The following SNX29 variants were observed in gnomAD, a reference collection of about 807,000 sequenced individuals.
SNX29 encodes sorting nexin 29, also known as sorting nexin-29.
Under a neutral mutation model 102.1 loss-of-function variants are expected in SNX29, and 78 were observed. The observed-to-expected ratio is 0.76, with a 90% CI of 0.64 to 0.92. The LOEUF (loss-of-function observed/expected upper bound fraction) is 0.92, where lower values mean the gene tolerates loss of function less well. Among genes scored for constraint, SNX29 ranks in the 40% least tolerant of loss-of-function variants. The pLI, the probability that SNX29 is intolerant of heterozygous loss-of-function variation, is 0.00. For synonymous variants in SNX29, 580 were observed against 414.5 expected, an observed-to-expected ratio of 1.40 and a Z score of -4.85; for missense variants, 1,280 against 1,061.7, an observed-to-expected ratio of 1.21 and a Z score of -2.86.
intron 20 of SNX29, among the ~76,000 whole-genome samples, chr16:12,554,680 A>T (rs2078212468): frequency 6.6e-6 from 1 of 152,152 alleles, no homozygotes. Flanking sequence ...AGGGATGCCA[A>T]TTCTCAGCAT....
At chr16:12,053,650 G>A (rs1475806165) in intron 8 of SNX29, among the ~76,000 whole-genome samples, 2 of 147,352 alleles carry the variant, frequency 1.4e-5, no homozygotes, top group African/African-American at 5.0e-5. Flanking sequence ...TTTTCATGTT[G>A]TTACAATATT....
At chr16:12,071,017 G>GAC in intron 10 of SNX29, among the ~76,000 whole-genome samples, 1 of 151,678 alleles carries the variant, frequency 6.6e-6, no homozygotes, top group Admixed American at 6.6e-5. Context: ...TTTTGATGGG[G>GAC]TTGTTTTTTT....
intron 3 of SNX29, among the ~76,000 whole-genome samples, chr16:12,012,757 G>T (rs1438667569): frequency 6.6e-6 from 1 of 151,948 alleles, no homozygotes; most frequent in Non-Finnish European, 1.5e-5. Context: ...CACCATTTTT[G>T]CCATTTCTAT....
intron 19 of SNX29, among the ~76,000 whole-genome samples, chr16:12,511,717 C>G (rs554438063): frequency 3.3e-5 from 5 of 152,224 alleles, no homozygotes; most frequent in African/African-American, 1.2e-4. Flanking sequence ...CGAGCTCTTT[C>G]ATGGGTATTC....
intron 19 of SNX29, among the ~76,000 whole-genome samples, chr16:12,482,409 C>G (rs1017189483): frequency 1.3e-5 from 2 of 152,092 alleles, no homozygotes; most frequent in East Asian, 3.8e-4. Flanking sequence ...TCAAGTGACC[C>G]TCTTGCTTCA....
intron 20 of SNX29, among the ~76,000 whole-genome samples, chr16:12,527,833 T>TC (rs1400082954): frequency 6.6e-6 from 1 of 150,910 alleles, no homozygotes; most frequent in East Asian, 1.9e-4. Flanking sequence ...CTTCTTTTTT[T>TC]TTTTTTTTTG....
intron 3 of SNX29, among the ~76,000 whole-genome samples, chr16:12,011,541 C>G (rs2056655639): frequency 6.6e-6 from 1 of 152,096 alleles, no homozygotes; most frequent in Non-Finnish European, 1.5e-5. Flanking sequence ...TCCCAAAGTG[C>G]TGGGATTATA....
chr16:12,092,021 C>G (rs1158797459), intron 11 of SNX29, among the ~76,000 whole-genome samples: 2 of 152,126 alleles, frequency 1.3e-5, no homozygotes, highest in Non-Finnish European at 2.9e-5. Flanking sequence ...GGTGCTCCTG[C>G]AAGAGGCCCT....
chr16:12,128,740 C>G (rs1400702500), intron 12 of SNX29, among the ~76,000 whole-genome samples: 1 of 152,166 alleles, frequency 6.6e-6, no homozygotes, highest in Non-Finnish European at 1.5e-5. Context: ...GCGTGAGCCA[C>G]CCTGCCCGGC....
chr16:12,557,995 G>T (rs897503890), intron 20 of SNX29, among the ~76,000 whole-genome samples: 1 of 152,144 alleles, frequency 6.6e-6, no homozygotes, highest in African/African-American at 2.4e-5. Flanking sequence ...AGCCACGGTT[G>T]GTTGGGCTGG....
rs1374741608 is a variant in SNX29, at chr16:12,570,780, C to T, written c.*2151C>T. 1.7e-5 allele frequency: 2 copies of T among 116,304 alleles called. No individual in the cohort carries two copies. Among genetic ancestry groups the T allele is most frequent in the African/African-American group, 2.0e-4 (2 of 9,922 alleles). The allele number at this position is 116,304 out of a possible 1,614,324, so 7.2% of individuals were successfully genotyped here. On this transcript the variant is annotated 3_prime_UTR_variant, in exon 21 of 21. Coordinates refer to ENST00000566228, the MANE Select transcript of SNX29 (RefSeq NM_032167.5). ...GGACATTCTGCACATGATAATAATG[C>T]AACAGTCCCCCATTGCTGAGAGATA...
At chr16:12,337,405 G>C (rs1030704293) in intron 15 of SNX29, among the ~76,000 whole-genome samples, 2 of 152,060 alleles carry the variant, frequency 1.3e-5, no homozygotes, top group Non-Finnish European at 2.9e-5. Flanking sequence ...GCAGTGGTGC[G>C]ATCTCGGTTC....
At chr16:12,205,376 C>G (rs912304342) in intron 14 of SNX29, among the ~76,000 whole-genome samples, 1 of 152,206 alleles carries the variant, frequency 6.6e-6, no homozygotes, top group South Asian at 2.1e-4. Flanking sequence ...CTCATAAATC[C>G]CGTCACTCTG....
At chr16:12,356,353 C>T (rs913563383) in intron 16 of SNX29, 74 bp downstream of exon 16, 2 of 1,381,854 alleles carry the variant, frequency 1.4e-6, no homozygotes, top group Non-Finnish European at 2.0e-6. Flanking sequence ...CACAGAGACT[C>T]ACAGAGCAAG....
At chr16:12,540,341 G>A (rs1334546361) in intron 20 of SNX29, among the ~76,000 whole-genome samples, 1 of 152,148 alleles carries the variant, frequency 6.6e-6, no homozygotes, top group Admixed American at 6.5e-5. Flanking sequence ...TGATTAAAGA[G>A]GAACGTTATC....
At chr16:12,042,736 A>G (rs1641834) in intron 4 of SNX29, among the ~76,000 whole-genome samples, 161 bp from the exon 5 acceptor site, 9 of 152,320 alleles carry the variant, frequency 5.9e-5, no homozygotes, top group African/African-American at 2.2e-4. Flanking sequence ...ATTGATGGGT[A>G]TCTGGGTTGA....
rs1194249596 is a variant in SNX29, at chr16:12,098,815, G to T, written c.1402+19900G>T. On this transcript the variant is annotated intron_variant, in intron 11 of 20. Coordinates refer to ENST00000566228, the MANE Select transcript of SNX29 (RefSeq NM_032167.5). This position sits in a 1 kb window ranked among gnomAD's most constrained non-coding sequence, Gnocchi z 6.0. ...CTCGTCCCTGAGTCTAACAGTCAGA[G>T]GTAGAGACCCCCCTCAGGGCAGTTC... Among the ~76,000 whole-genome samples the T allele has an allele frequency of 6.6e-6, 1 of 152,224 alleles. No homozygotes were observed. The highest frequency in any genetic ancestry group is 1.5e-5 in the Non-Finnish European group (1 of 68,040).
At chr16:12,270,394 A>G (rs116123677) in intron 14 of SNX29, among the ~76,000 whole-genome samples, 1,578 of 152,278 alleles carry the variant, frequency 0.01, 21 homozygotes, top group African/African-American at 0.036. Context: ...CGTTACTCAG[A>G]CTTTAATTGT....
rs1439564568 is a variant in SNX29 at position 12,569,358 on chromosome 16, T to A, written c.*729T>A. On this transcript the variant is annotated 3_prime_UTR_variant, in exon 21 of 21. Transcript: ENST00000566228. ...GAGGCCACCTAGGCCCTCGCCAGGC[T>A]TGGAGTGGGGGGACTCAGACATCTG... 1 of 230,056 alleles carries A rather than the reference T, an allele frequency of 4.3e-6. No individual in the cohort carries two copies. Among genetic ancestry groups the A allele is most frequent in the East Asian group, 6.2e-5 (1 of 16,246 alleles). 14.3% of individuals were successfully genotyped at this position (230,056 alleles called of 1,614,324 possible).
Sources: gnomAD v4.1 joint callset for allele counts (sites outside exome capture counted in the v4.1 genomes callset) on GRCh38, gnomAD v4.1.1 for gene constraint, Gnocchi (gnomAD v3.1) non-coding constraint, MANE v1.5 for transcripts, NCBI Gene and HGNC (gene_info 2026-07-23, HGNC 2026-07-21) for gene names.